The following SUCO variants were observed in gnomAD, a reference collection of about 807,000 sequenced individuals.
The protein encoded by SUCO is SUN domain-containing ossification factor.
SUCO carries 57 observed loss-of-function variants against 148.1 expected under a neutral mutation model. That is an observed-to-expected ratio of 0.38 (90% CI 0.31 to 0.48). The LOEUF is 0.48. Among genes scored for constraint, SUCO ranks in the 20% least tolerant of loss-of-function variants. SUCO has a pLI of 0.96. For synonymous variants in SUCO, 470 were observed against 502.7 expected, an observed-to-expected ratio of 0.93 and a Z score of 0.87; for missense variants, 1,331 against 1,468.2, an observed-to-expected ratio of 0.91 and a Z score of 1.53.
chr1:172,574,518 G>A (rs1655284691), intron 10 of SUCO, among the ~76,000 whole-genome samples: 2 of 151,944 alleles, frequency 1.3e-5, no homozygotes, highest in South Asian at 4.1e-4. Context: ...ACTGCATTTT[G>A]TCAACCAGAG....
At chr1:172,590,310 C>A in intron 18 of SUCO, 1 of 983,696 alleles carries the variant, frequency 1.0e-6, no homozygotes, top group Non-Finnish European at 1.2e-6. Context: ...GACCAGATAT[C>A]ACTTAAGAGT....
intron 16 of SUCO, 52 bp downstream of exon 16, chr1:172,585,138 TA>T (rs1295530412): frequency 8.2e-6 from 11 of 1,343,652 alleles, no homozygotes; most frequent in Non-Finnish European, 1.1e-5. Flanking sequence ...CAGGGATCCT[TA>T]TATTTAGGAA....
Position 172,587,372 on chromosome 1 carries a change from G to A in SUCO, c.1659-1388G>A, listed in dbSNP as rs79693251. Among the ~76,000 whole-genome samples, 517 of 152,090 alleles carry A rather than the reference G, an allele frequency of 3.4e-3. 5 individuals are homozygous for A. The highest frequency in any genetic ancestry group is 0.012 in the African/African-American group (501 of 41,542). On this transcript the variant is annotated intron_variant, in intron 17 of 23. Coordinates refer to ENST00000263688, the MANE Select transcript of SUCO (RefSeq NM_014283.5). ...CCTAGGTTTTAGTAGGTTTTGCCAT[G>A]TGAATTTGAGAAAAAACTTTTAAAG... is the stretch of plus-strand genomic sequence containing the variant.
chr1:172,593,535 T>C (rs957183205), intron 19 of SUCO, among the ~76,000 whole-genome samples: 2 of 152,238 alleles, frequency 1.3e-5, no homozygotes, highest in African/African-American at 4.8e-5. Flanking sequence ...GAGTTAATCA[T>C]GTGATTTTTG....
chr1:172,591,240 G>C (rs1012012233), intron 19 of SUCO, among the ~76,000 whole-genome samples, 169 bp downstream of exon 19: 2 of 151,870 alleles, frequency 1.3e-5, no homozygotes, highest in Non-Finnish European at 2.9e-5. Context: ...ATAGCTATTA[G>C]CATCATTATC....
rs887187308 is a variant in SUCO at position 172,602,477 on chromosome 1, G to A, written c.3174-219G>A. The A allele has an allele frequency of 9.2e-6, 9 of 980,326 alleles. No homozygotes were observed. The Admixed American group carries it at 4.9e-4, about 54-fold the overall frequency. The allele number at this position is 980,326 out of a possible 1,614,324, so 60.7% of individuals were successfully genotyped here. On this transcript the variant is annotated intron_variant, in intron 21 of 23. Transcript: ENST00000263688. ...TTGGTTGAGAAAGATGCTTAAATGT[G>A]GAATTCAAAGGAAGAAGAGAATACT...
chr1:172,561,238 C>T (rs1395158156), intron 6 of SUCO, among the ~76,000 whole-genome samples: 2 of 152,150 alleles, frequency 1.3e-5, no homozygotes, highest in African/African-American at 4.8e-5. Context: ...GGTATACATA[C>T]CCAACTTCCC....
chr1:172,586,010 T>C, intron 17 of SUCO, 62 bp downstream of exon 17: 1 of 1,059,316 alleles, frequency 9.4e-7, no homozygotes, highest in Non-Finnish European at 1.4e-6. Flanking sequence ...TATATTAGTA[T>C]AAAAAAAGGA....
chr1:172,574,007 TA>T lies in SUCO; in HGVS notation c.1157+12del, dbSNP rs761806244. The T allele has an allele frequency of 6.7e-7, 1 of 1,485,770 alleles. No homozygotes were observed. Among genetic ancestry groups the T allele is most frequent in the African/African-American group, 1.4e-5 (1 of 72,066 alleles). 92.0% of individuals were successfully genotyped at this position (1,485,770 alleles called of 1,614,324 possible). On this transcript the variant is annotated intron_variant, in intron 10 of 23. Transcript: ENST00000263688. ...GTTTCTATCAGTGACAGGTAAATTCTAAAGCTGTTTCTATAGGGTCTATGTT... is the reference window on the plus strand; with the variant it reads ...GTTTCTATCAGTGACAGGTAAATTCTAAGCTGTTTCTATAGGGTCTATGTT...
intron 17 of SUCO, among the ~76,000 whole-genome samples, chr1:172,587,378 T>C (rs896866221): frequency 6.6e-6 from 1 of 152,128 alleles, no homozygotes; most frequent in Middle Eastern, 3.4e-3. Context: ...CCATGTGAAT[T>C]TGAGAAAAAA....
At chr1:172,562,327 A>ATTTTTTTTTTTTTTTTTTT (rs34871543) in intron 6 of SUCO, among the ~76,000 whole-genome samples, 1 of 137,706 alleles carries the variant, frequency 7.3e-6, no homozygotes, top group African/African-American at 2.7e-5. Context: ...GGGTTTTAAC[A>ATTTTTTTTTTTTTTTTTTT]TTTTTTTTTT....
chr1:172,565,299 T>C (rs1489706148), intron 6 of SUCO, among the ~76,000 whole-genome samples: 1 of 152,164 alleles, frequency 6.6e-6, no homozygotes, highest in Non-Finnish European at 1.5e-5. Context: ...GAACTCCCAA[T>C]TCCTTTGACC....
In SUCO at chr1:172,602,226, C is replaced by T; in HGVS notation, c.3173+8C>T. 2 of 1,585,146 alleles carry T rather than the reference C, an allele frequency of 1.3e-6. No individual in the cohort carries two copies. The highest frequency in any genetic ancestry group is 1.7e-6 in the Non-Finnish European group (2 of 1,164,716). On this transcript the variant is annotated splice_region_variant and intron_variant, in intron 21 of 23. Transcript: ENST00000263688. The stretch of plus-strand genomic sequence containing the variant: ...GTATCCAAGCCCTAAAAGGTAATAT[C>T]AGCATTATATTTCACAATTTTATTT...
At chr1:172,584,257 A>G (rs1656083124) in intron 15 of SUCO, 1 of 242,240 alleles carries the variant, frequency 4.1e-6, no homozygotes, top group Non-Finnish European at 6.6e-6. Context: ...TTTACCTGTG[A>G]TAATCACATA....
chr1:172,574,975 G>T, intron 10 of SUCO: 1 of 825,280 alleles, frequency 1.2e-6, no homozygotes, highest in Non-Finnish European at 1.5e-6. Context: ...TAAGTAAAGT[G>T]TATTTTTTTA....
chr1:172,532,642 C>A, upstream of SUCO: 1 of 1,613,994 alleles, frequency 6.2e-7, no homozygotes, highest in East Asian at 2.2e-5. Context: ...GCAACAGTTC[C>A]AAAGCTGATC....
At chr1:172,578,421 A>G (rs780662734) in intron 14 of SUCO, 32 bp downstream of exon 14, 5 of 1,581,832 alleles carry the variant, frequency 3.2e-6, no homozygotes, top group Non-Finnish European at 4.3e-6. Flanking sequence ...ACTGTTAGGT[A>G]TATTTTTTTT....
intron 6 of SUCO, among the ~76,000 whole-genome samples, chr1:172,567,907 C>T (rs1654675497): frequency 2.6e-5 from 4 of 152,186 alleles, no homozygotes; most frequent in Admixed American, 2.6e-4. Context: ...AGGCCACAGA[C>T]CAGCACCAGT....
In SUCO at chr1:172,577,939, A is replaced by T. The variant is rs1303781355; in HGVS notation, c.1340+120A>T. 4 of 691,212 alleles carry T rather than the reference A, an allele frequency of 5.8e-6. No individual in the cohort carries two copies. In the East Asian group the frequency reaches 1.1e-4, roughly 20 times the overall value. 42.8% of individuals were successfully genotyped at this position (691,212 alleles called of 1,614,324 possible). On this transcript the variant is annotated intron_variant, in intron 13 of 23. Transcript: ENST00000263688. ...GTGAGTTAATACCATAGAAATAAAA[A>T]CTGTGAAACCTTTCTTTTGAATGCA...
Sources: allele counts gnomAD v4.1 joint callset (sites outside exome capture counted in the v4.1 genomes callset), GRCh38; gene constraint gnomAD v4.1.1; transcripts MANE v1.5; gene names NCBI Gene and HGNC (gene_info 2026-07-23, HGNC 2026-07-21).